Variants in WWTR1 observed in about 807,000 individuals in gnomAD.
WWTR1 encodes the protein WW domain containing transcription regulator 1.
WWTR1 carries 13 observed loss-of-function variants against 40.1 expected under a neutral mutation model. The ratio of observed to expected loss-of-function variants is 0.32; its 90% CI spans 0.21 to 0.52. WWTR1 has a LOEUF of 0.52. Ranked by LOEUF, WWTR1 falls within the 20% of genes least tolerant of loss-of-function variation. The pLI, the probability that WWTR1 is intolerant of heterozygous loss-of-function variation, is 0.97. For missense variants in WWTR1, 436 were observed against 523.1 expected (o/e 0.83, Z 1.63); for synonymous variants, 230 against 210.1 (o/e 1.09, Z -0.82).
At position 149,653,184 on chromosome 3, in the gene WWTR1, T is replaced by C. The variant is rs116179210; in HGVS notation, c.431+3692A>G. Among the ~76,000 whole-genome samples the C allele has an allele frequency of 3.8e-3, 578 of 152,346 alleles. 3 individuals are homozygous for C. Among genetic ancestry groups the C allele is most frequent in the Non-Finnish European group, 5.7e-3 (387 of 68,034 alleles). ...TTTGCGAAAGAGTAAAGATGGGAAA[T>C]TCTACTGAAGCTAGATAACTTTCTT... On this transcript the variant is annotated intron_variant, in intron 2 of 6. Coordinates refer to ENST00000360632, the MANE Select transcript of WWTR1 (RefSeq NM_015472.6).
intron 2 of WWTR1, among the ~76,000 whole-genome samples, chr3:149,651,829 CTTTT>C (rs764013293): frequency 1.7e-5 from 2 of 117,990 alleles, no homozygotes; most frequent in Admixed American, 9.4e-5. Context: ...TATGGATTTT[CTTTT>C]TTTTTTTTTT....
chr3:149,721,793 G>T (rs1715763843), intron 4 of WWTR1, among the ~76,000 whole-genome samples: 1 of 152,074 alleles, frequency 6.6e-6, no homozygotes, highest in Non-Finnish European at 1.5e-5. Context: ...TGAACTCCTG[G>T]GCTCAAACGA....
intron 2 of WWTR1, among the ~76,000 whole-genome samples, chr3:149,577,247 A>G (rs902519437): frequency 6.6e-6 from 1 of 152,218 alleles, no homozygotes; most frequent in Non-Finnish European, 1.5e-5. Flanking sequence ...ATCAGGGGAC[A>G]AATGGAATCA....
intron 1 of WWTR1, among the ~76,000 whole-genome samples, chr3:149,670,593 G>A (rs553944279): frequency 6.8e-6 from 1 of 146,202 alleles, no homozygotes; most frequent in East Asian, 2.1e-4. Flanking sequence ...GCAGTGAGCC[G>A]AGATCATGCC....
At chr3:149,588,107 C>A (rs551110486) in intron 2 of WWTR1, among the ~76,000 whole-genome samples, 1 of 152,300 alleles carries the variant, frequency 6.6e-6, no homozygotes, top group East Asian at 1.9e-4. Context: ...TGCCAAGAGA[C>A]TAAGTTCTAG....
intron 2 of WWTR1, among the ~76,000 whole-genome samples, chr3:149,604,355 C>G (rs1393187770): frequency 6.6e-6 from 1 of 152,202 alleles, no homozygotes; most frequent in African/African-American, 2.4e-5. Context: ...ACTTTAAGGG[C>G]ACATGACTTG....
chr3:149,645,084 A>AT (rs879875367), intron 2 of WWTR1, among the ~76,000 whole-genome samples: 226 of 113,724 alleles, frequency 2.0e-3, no homozygotes, highest in African/African-American at 4.0e-3. Flanking sequence ...TATTTTATTT[A>AT]TTTTTTTTTT....
intron 2 of WWTR1, among the ~76,000 whole-genome samples, chr3:149,638,332 T>C (rs752104235): frequency 3.9e-5 from 6 of 152,140 alleles, no homozygotes; most frequent in Non-Finnish European, 8.8e-5. Context: ...GCCTGTTTAT[T>C]AACATATTCC....
chr3:149,614,900 T>C (rs1339667961), intron 2 of WWTR1, among the ~76,000 whole-genome samples: 2 of 152,078 alleles, frequency 1.3e-5, no homozygotes, highest in African/African-American at 4.8e-5. Flanking sequence ...GGAGAATCAC[T>C]TGAACCAGGG....
chr3:149,652,988 G>A (rs1174811472), intron 2 of WWTR1, among the ~76,000 whole-genome samples: 2 of 152,014 alleles, frequency 1.3e-5, no homozygotes, highest in Admixed American at 6.5e-5. Context: ...TGGATCACTT[G>A]GACAAAAATA....
intron 2 of WWTR1, among the ~76,000 whole-genome samples, chr3:149,634,819 G>A (rs767123596): frequency 6.6e-6 from 1 of 152,178 alleles, no homozygotes; most frequent in Non-Finnish European, 1.5e-5. Flanking sequence ...AGCAACCACT[G>A]AGCCTCTTCC....
At chr3:149,611,321 C>T (rs1426622107) in intron 2 of WWTR1, among the ~76,000 whole-genome samples, 1 of 152,122 alleles carries the variant, frequency 6.6e-6, no homozygotes, top group African/African-American at 2.4e-5. Flanking sequence ...TAGCTGGCAG[C>T]TTGTTTCTGT....
chr3:149,655,260 C>T (rs1713138204), intron 2 of WWTR1, among the ~76,000 whole-genome samples: 1 of 151,714 alleles, frequency 6.6e-6, no homozygotes. Context: ...GCCTGGCCAA[C>T]ATGGTGAAAC....
intron 4 of WWTR1, among the ~76,000 whole-genome samples, chr3:149,533,991 A>G (rs1219784914): frequency 6.6e-6 from 1 of 152,030 alleles, no homozygotes; most frequent in Non-Finnish European, 1.5e-5. Flanking sequence ...AACATGGTGA[A>G]ACCTTGTTTC....
chr3:149,694,110 T>A (rs1455553579), intron 1 of WWTR1, among the ~76,000 whole-genome samples: 1 of 152,156 alleles, frequency 6.6e-6, no homozygotes, highest in East Asian at 1.9e-4. Flanking sequence ...AAGGGATTAA[T>A]AGGCTGGGCG....
upstream of WWTR1, among the ~76,000 whole-genome samples, chr3:149,662,828 C>T (rs573441199): frequency 3.0e-4 from 45 of 152,266 alleles, no homozygotes; most frequent in African/African-American, 1.1e-3. Context: ...TATCTTTCTC[C>T]CACTTCAGCC....
chr3:149,588,037 G>A (rs1309973141), intron 2 of WWTR1, among the ~76,000 whole-genome samples: 2 of 152,164 alleles, frequency 1.3e-5, no homozygotes, highest in African/African-American at 2.4e-5. Flanking sequence ...AATTAGATGG[G>A]AATGACAGAG....
chr3:149,544,248 C>T lies in WWTR1; in HGVS notation c.569-1711G>A, dbSNP rs1372898722. On this transcript the variant is annotated intron_variant, in intron 3 of 6. Transcript: ENST00000360632. Reference sequence around the variant, plus strand: ...ATATATGTACATTTGAAAGACAATACCAACACTGAAGCTTTTCTAGAGAAG... The same window carrying T: ...ATATATGTACATTTGAAAGACAATATCAACACTGAAGCTTTTCTAGAGAAG... 2.6e-5 allele frequency among the ~76,000 whole-genome samples: 4 copies of T among 152,150 alleles called. No individual in the cohort carries two copies. In the East Asian group the frequency reaches 7.7e-4, roughly 29 times the overall value.
chr3:149,529,678 G>A (rs1017176176), intron 4 of WWTR1, among the ~76,000 whole-genome samples: 7 of 152,136 alleles, frequency 4.6e-5, no homozygotes, highest in African/African-American at 1.7e-4. Flanking sequence ...CAGGCAGGGT[G>A]CATTAGAAAC....
Sources: allele counts gnomAD v4.1 joint callset (sites outside exome capture counted in the v4.1 genomes callset), GRCh38; gene constraint gnomAD v4.1.1; transcripts MANE v1.5; gene names NCBI Gene and HGNC (gene_info 2026-07-23, HGNC 2026-07-21).